CYB5R2: variants seen among roughly 807,000 people sequenced by gnomAD.
The protein encoded by CYB5R2 is cytochrome b5 reductase 2, also known as NADH-cytochrome b5 reductase 2.
Under a neutral mutation model 29.8 loss-of-function variants are expected in CYB5R2, and 35 were observed. The observed-to-expected ratio is 1.17, with a 90% CI of 0.90 to 1.56. The LOEUF (loss-of-function observed/expected upper bound fraction) is 1.56, where lower values mean the gene tolerates loss of function less well. Ranked by LOEUF, CYB5R2 falls within the 40% of genes most tolerant of loss-of-function variation. The pLI is 0.00. For missense variants in CYB5R2, 419 were observed against 346.7 expected (o/e 1.21, Z -1.66); for synonymous variants, 169 against 130.6 (o/e 1.29, Z -2.01).
At position 7,668,630 on chromosome 11, in the gene CYB5R2, A is replaced by T. The variant is rs1468046939; in HGVS notation, c.389-69T>A. ...AAAGAGACTGCAAAAGATCACTGAC[A>T]TTCCTTAGGACTCCCAGGAGGCACG... On this transcript the variant is annotated intron_variant, in intron 5 of 8. Transcript: ENST00000299498. 4 of 1,280,460 alleles carry T rather than the reference A, an allele frequency of 3.1e-6. No individual in the cohort carries two copies. In the Admixed American group the frequency reaches 6.7e-5, roughly 21 times the overall value. 79.3% of individuals were successfully genotyped at this position (1,280,460 alleles called of 1,614,324 possible).
chr11:7,667,697 T>A (rs778043091), intron 7 of CYB5R2, 31 bp downstream of exon 7: 1 of 1,568,978 alleles, frequency 6.4e-7, no homozygotes, highest in South Asian at 1.1e-5. Context: ...AAACATTCCA[T>A]CCTACCACTG....
In CYB5R2 at chr11:7,669,354, T is replaced by C. The variant is rs1419698055; in HGVS notation, c.259-20A>G. 3 of 1,598,460 alleles carry C rather than the reference T, an allele frequency of 1.9e-6. No individual in the cohort carries two copies. Among genetic ancestry groups the C allele is most frequent in the Middle Eastern group, 3.3e-4 (2 of 5,982 alleles). ...GTAGATCTGAAAAGCAAGGCAGCAC[T>C]GCTTTCACATTCCCAGACACAATGC... On this transcript the variant is annotated intron_variant, in intron 4 of 8. Coordinates refer to ENST00000299498, the MANE Select transcript of CYB5R2 (RefSeq NM_016229.5).
At chr11:7,671,168 A>G (rs1156582966) in intron 3 of CYB5R2, 1 of 152,376 alleles carries the variant, frequency 6.6e-6, no homozygotes, top group Non-Finnish European at 1.5e-5. Flanking sequence ...AGCCAGGAGT[A>G]AGTGAGACAC....
chr11:7,669,269 G>A lies in CYB5R2; in HGVS notation c.324C>T (p.Asn108=). Residue 108 remains asparagine, a synonymous_variant, in exon 5 of 9, where the codon AAC becomes AAT. Transcript: ENST00000299498. ...AAAAGATGGTCTCCCCGATTTTCAT[G>A]TTCTCCAAATACTGAGTCATCTTCC... ...EGGKMTQYLE[N]MKIGETIFFR... 6.2e-7 allele frequency: 1 copy of A among 1,614,118 alleles called. No homozygotes were observed. Among genetic ancestry groups the A allele is most frequent in the Non-Finnish European group, 8.5e-7 (1 of 1,179,962 alleles).
chr11:7,669,728 T>C lies in CYB5R2; in HGVS notation c.155A>G (p.Asn52Ser), dbSNP rs1855609681. ...PDHVLGLPVG[N>S]YVQLLAKIDN... ...GATTTTTGCCAAGAGCTGGACATAGTTACCTATAGAAAAGGCATCAAGCAC... is the reference window on the plus strand; with the variant it reads ...GATTTTTGCCAAGAGCTGGACATAGCTACCTATAGAAAAGGCATCAAGCAC... The change falls in exon 4 of 9, where the codon AAC becomes AGC. Residue 52 changes from asparagine (N) to serine (S), a missense_variant. Coordinates refer to ENST00000299498, the MANE Select transcript of CYB5R2 (RefSeq NM_016229.5). 6.2e-7 allele frequency: 1 copy of C among 1,612,432 alleles called. No homozygotes were observed. The highest frequency in any genetic ancestry group is 1.1e-5 in the South Asian group (1 of 91,052).
chr11:7,667,363 T>C (rs1260739380), intron 7 of CYB5R2: 1 of 152,754 alleles, frequency 6.5e-6, no homozygotes, highest in African/African-American at 2.4e-5. Context: ...AAATTACAAA[T>C]ATATAACATA....
chr11:7,673,739 G>T, upstream of CYB5R2: 1 of 985,870 alleles, frequency 1.0e-6, no homozygotes, highest in Non-Finnish European at 1.2e-6. Flanking sequence ...CGCCCAACAC[G>T]TCGTCGAACT....
At chr11:7,671,494 G>C (rs930727024) in intron 3 of CYB5R2, 2 of 152,282 alleles carry the variant, frequency 1.3e-5, no homozygotes, top group Non-Finnish European at 2.9e-5. Flanking sequence ...CATTCTTTTA[G>C]GCTTCCTGCC....
chr11:7,665,649 C>T, intron 8 of CYB5R2, 103 bp from the exon 9 acceptor site: 1 of 1,316,372 alleles, frequency 7.6e-7, no homozygotes, highest in East Asian at 2.5e-5. Flanking sequence ...AGGTGACAAG[C>T]TGCTCTACAA....
chr11:7,668,389 CA>C (rs1590871785), intron 6 of CYB5R2, 88 bp downstream of exon 6: 1 of 1,028,010 alleles, frequency 9.7e-7, no homozygotes, highest in African/African-American at 1.6e-5. Flanking sequence ...CGAAATCTCT[CA>C]TGTTGTCCCT....
rs1217239685 is a variant in CYB5R2 at position 7,667,811 on chromosome 11, T to C, written c.475A>G (p.Ile159Val). Reference sequence around the variant, plus strand: ...CGAATGAGCTGCAACATGGGTGTGATGCCTGGAACACAGTGAGCGAGCAGC... The same window carrying C: ...CGAATGAGCTGCAACATGGGTGTGACGCCTGGAACACAGTGAGCGAGCAGC... ...HLGMIAGGTG[I>V]TPMLQLIRHI... The change falls in exon 7 of 9, where the codon ATC becomes GTC. Residue 159 changes from isoleucine to valine, a missense_variant and splice_region_variant. Coordinates refer to ENST00000299498, the MANE Select transcript of CYB5R2 (RefSeq NM_016229.5). 3 of 1,614,074 alleles carry C rather than the reference T, an allele frequency of 1.9e-6. No individual in the cohort carries two copies. In the South Asian group the frequency reaches 3.3e-5, roughly 18 times the overall value.
intron 3 of CYB5R2, chr11:7,672,094 A>T (rs7950642): frequency 4.3e-6 from 1 of 231,994 alleles, no homozygotes; most frequent in Non-Finnish European, 8.4e-6. Flanking sequence ...AGTGAGGTAG[A>T]CAGGCAGGCC....
intron 1 of CYB5R2, chr11:7,673,172 C>A (rs1855866357): frequency 2.5e-6 from 1 of 407,772 alleles, no homozygotes; most frequent in South Asian, 2.5e-5. Context: ...CTAGGCCCCT[C>A]CTGGCTACAG....
At position 7,670,180 on chromosome 11, in the gene CYB5R2, A is replaced by G. The variant is rs143182837; in HGVS notation, c.152-449T>C. The G allele has an allele frequency of 7.7e-3, 1,350 of 176,032 alleles. 20 individuals carry two copies. The highest frequency in any genetic ancestry group is 0.031 in the African/African-American group (1,273 of 41,540). The allele number at this position is 176,032 out of a possible 1,614,324, so 10.9% of individuals were successfully genotyped here. On this transcript the variant is annotated intron_variant, in intron 3 of 8. Coordinates refer to ENST00000299498, the MANE Select transcript of CYB5R2 (RefSeq NM_016229.5). Reference sequence around the variant, plus strand: ...AGCCTGGGCAAGATGGCGAAACCCCATCTCTACAAAAAAATACAAAAAATT... The same window carrying G: ...AGCCTGGGCAAGATGGCGAAACCCCGTCTCTACAAAAAAATACAAAAAATT...
intron 8 of CYB5R2, chr11:7,665,997 CTG>C: frequency 7.9e-7 from 1 of 1,262,386 alleles, no homozygotes; most frequent in Non-Finnish European, 1.1e-6. Flanking sequence ...GTGGGGTGCT[CTG>C]TGCACAGTGG....
intron 3 of CYB5R2, 198 bp downstream of exon 3, chr11:7,672,253 G>C: frequency 1.7e-6 from 1 of 572,630 alleles, no homozygotes; most frequent in South Asian, 2.3e-5. Flanking sequence ...TCTCGTGTCA[G>C]CCCAATTGGA....
chr11:7,673,242 AAC>A (rs1470273776), intron 1 of CYB5R2, 175 bp downstream of exon 1: 13 of 519,052 alleles, frequency 2.5e-5, no homozygotes, highest in East Asian at 7.3e-5. Context: ...CATCACCCCT[AAC>A]ACACAATCCG....
chr11:7,669,084 G>T, intron 5 of CYB5R2, 121 bp downstream of exon 5: 1 of 1,195,014 alleles, frequency 8.4e-7, no homozygotes, highest in Non-Finnish European at 1.2e-6. Flanking sequence ...CATTGTGTGT[G>T]AATGAATGAA....
intron 7 of CYB5R2, 117 bp from the exon 8 acceptor site, chr11:7,666,667 C>T (rs1157932877): frequency 1.3e-5 from 8 of 634,896 alleles, no homozygotes; most frequent in East Asian, 2.9e-5. Context: ...CTGGAGTGCT[C>T]GCTGCCAACT....
Sources: gnomAD v4.1 joint callset for allele counts on GRCh38, gnomAD v4.1.1 for gene constraint, MANE v1.5 for transcripts, NCBI Gene and HGNC (gene_info 2026-07-23, HGNC 2026-07-21) for gene names.